The following LDLRAD3 variants were observed in gnomAD, a reference collection of about 807,000 sequenced individuals.
The protein encoded by LDLRAD3 is low density lipoprotein receptor class A domain containing 3, also known as low-density lipoprotein receptor class A domain-containing protein 3.
In LDLRAD3, 20 loss-of-function variants were observed where a neutral mutation model predicts 29.4. The ratio of observed to expected loss-of-function variants is 0.68; its 90% confidence interval spans 0.48 to 0.99. The LOEUF (loss-of-function observed/expected upper bound fraction) is 0.99, where lower values mean the gene tolerates loss of function less well. Among genes scored for constraint, LDLRAD3 ranks in the 50% least tolerant of loss-of-function variants. The probability of loss-of-function intolerance (pLI) is 0.00; values close to 1 mark genes in which losing one functional copy is unlikely to be tolerated. For synonymous variants in LDLRAD3, 157 were observed against 192.7 expected (o/e 0.81, Z 1.53); for missense variants, 420 against 454.3 (o/e 0.92, Z 0.69).
intron 4 of LDLRAD3, among the ~76,000 whole-genome samples, chr11:36,208,334 G>A (rs12280307): frequency 0.018 from 2,677 of 152,310 alleles, 91 homozygotes; most frequent in African/African-American, 0.061. Context: ...ACACAGTTCT[G>A]GAGCCTGGGA....
intron 4 of LDLRAD3, among the ~76,000 whole-genome samples, chr11:36,176,783 A>G (rs1854685107): frequency 6.6e-6 from 1 of 152,066 alleles, no homozygotes; most frequent in Non-Finnish European, 1.5e-5. Flanking sequence ...CCTGTTGACT[A>G]TGTGTCTAGG....
At chr11:36,004,969 C>T (rs1851866317) in intron 1 of LDLRAD3, among the ~76,000 whole-genome samples, 1 of 152,184 alleles carries the variant, frequency 6.6e-6, no homozygotes, top group South Asian at 2.1e-4. Flanking sequence ...CAACTGGGTC[C>T]TGGGCCCTGC....
At chr11:36,021,257 T>C (rs1001869329) in intron 1 of LDLRAD3, among the ~76,000 whole-genome samples, 3 of 152,092 alleles carry the variant, frequency 2.0e-5, no homozygotes, top group East Asian at 3.9e-4. Flanking sequence ...GTCCAACTAA[T>C]AGTGGACAAA....
At chr11:36,136,399 G>T (rs1021819484) in intron 4 of LDLRAD3, among the ~76,000 whole-genome samples, 7 of 152,196 alleles carry the variant, frequency 4.6e-5, no homozygotes, top group African/African-American at 9.7e-5. Context: ...ACGTTGAATT[G>T]TAATCCCCAG....
intron 2 of LDLRAD3, among the ~76,000 whole-genome samples, chr11:36,072,629 A>G (rs942585313): frequency 6.6e-6 from 1 of 152,082 alleles, no homozygotes; most frequent in Non-Finnish European, 1.5e-5. Flanking sequence ...AAGAAGCTGG[A>G]CTCTAGAGCA....
intron 2 of LDLRAD3, among the ~76,000 whole-genome samples, chr11:36,039,279 T>C (rs1852350487): frequency 6.6e-6 from 1 of 152,176 alleles, no homozygotes; most frequent in East Asian, 1.9e-4. Context: ...TAAAATTTCT[T>C]ATATATTCCC....
At chr11:36,005,856 C>G (rs1851878479) in intron 1 of LDLRAD3, among the ~76,000 whole-genome samples, 1 of 152,090 alleles carries the variant, frequency 6.6e-6, no homozygotes, top group Non-Finnish European at 1.5e-5. Flanking sequence ...CACATGGTGG[C>G]AGGAGAGAGA....
chr11:35,995,223 C>T (rs1851739156), intron 1 of LDLRAD3, among the ~76,000 whole-genome samples: 1 of 152,198 alleles, frequency 6.6e-6, no homozygotes, highest in Non-Finnish European at 1.5e-5. Context: ...GTTGGAATGA[C>T]TCTTTGATCC....
intron 1 of LDLRAD3, among the ~76,000 whole-genome samples, chr11:36,033,532 A>AG (rs1166661587): frequency 2.0e-5 from 3 of 152,342 alleles, no homozygotes; most frequent in East Asian, 1.9e-4. Flanking sequence ...TGACGTTTCC[A>AG]GGGGGGCTTG....
intron 1 of LDLRAD3, among the ~76,000 whole-genome samples, chr11:35,957,268 G>A (rs1355223748): frequency 7.9e-5 from 12 of 152,128 alleles, no homozygotes; most frequent in Admixed American, 4.6e-4. Flanking sequence ...TAGCATAGAC[G>A]TTTTCCCATG....
chr11:36,110,356 C>T (rs1244403120), intron 4 of LDLRAD3, among the ~76,000 whole-genome samples: 1 of 152,142 alleles, frequency 6.6e-6, no homozygotes, highest in Non-Finnish European at 1.5e-5. Flanking sequence ...TGCCTCTGTC[C>T]TAGCTCTCTC....
chr11:36,227,477 C>A lies in LDLRAD3; in HGVS notation c.800+47C>A, dbSNP rs768662503. ...TTGAGGCGGGAGAGGTCATCCATTG[C>A]GGGGAGGGGAATAGGTGCACACACT... On this transcript the variant is annotated intron_variant, in intron 5 of 5. Transcript: ENST00000315571. 21 of 1,383,060 alleles carry A rather than the reference C, an allele frequency of 1.5e-5. No homozygotes were observed. The African/African-American group carries it at 2.5e-4, about 16-fold the overall frequency. The allele number at this position is 1,383,060 out of a possible 1,614,324, so 85.7% of individuals were successfully genotyped here.
intron 1 of LDLRAD3, among the ~76,000 whole-genome samples, chr11:35,971,226 G>T (rs1468432363): frequency 6.6e-6 from 1 of 152,178 alleles, no homozygotes; most frequent in Non-Finnish European, 1.5e-5. Flanking sequence ...GTAGGCAGGG[G>T]TCATGTTTTG....
intron 4 of LDLRAD3, among the ~76,000 whole-genome samples, chr11:36,224,264 C>T (rs1232562410): frequency 1.3e-5 from 2 of 152,104 alleles, no homozygotes; most frequent in East Asian, 3.9e-4. Context: ...CCAGGACCAC[C>T]ACCATTTCAC....
intron 4 of LDLRAD3, among the ~76,000 whole-genome samples, chr11:36,168,300 G>A (rs1378017807): frequency 6.6e-6 from 1 of 152,112 alleles, no homozygotes; most frequent in Non-Finnish European, 1.5e-5. Flanking sequence ...TCCTGGCATA[G>A]CACTAAGCTT....
At chr11:36,191,400 G>A (rs889286541) in intron 4 of LDLRAD3, among the ~76,000 whole-genome samples, 2 of 151,486 alleles carry the variant, frequency 1.3e-5, no homozygotes, top group Admixed American at 6.6e-5. Context: ...TATTATAGCT[G>A]GGCGTGGTGG....
chr11:36,188,846 G>A (rs1854895373), intron 4 of LDLRAD3, among the ~76,000 whole-genome samples: 1 of 152,118 alleles, frequency 6.6e-6, no homozygotes. Context: ...AGCCAGCCAG[G>A]CTCATATTCC....
At chr11:35,980,082 G>A (rs1320284764) in intron 1 of LDLRAD3, among the ~76,000 whole-genome samples, 1 of 152,184 alleles carries the variant, frequency 6.6e-6, no homozygotes, top group East Asian at 1.9e-4. Context: ...GTATTTTTAT[G>A]AGATTTATAA....
At chr11:36,222,701 G>C (rs1008942727) in intron 4 of LDLRAD3, among the ~76,000 whole-genome samples, 2 of 152,142 alleles carry the variant, frequency 1.3e-5, no homozygotes, top group Non-Finnish European at 2.9e-5. Context: ...ACCTCTGAGT[G>C]AATTAGTTAA....
Sources: allele counts gnomAD v4.1 joint callset (sites outside exome capture counted in the v4.1 genomes callset), GRCh38; gene constraint gnomAD v4.1.1; transcripts MANE v1.5; gene names NCBI Gene and HGNC (gene_info 2026-07-23, HGNC 2026-07-21).